MYO6: variants seen among roughly 807,000 people sequenced by gnomAD.
The protein encoded by MYO6 is unconventional myosin-VI.
MYO6 carries 74 observed loss-of-function variants against 178.7 expected under a neutral mutation model. The ratio of observed to expected loss-of-function variants is 0.41; its 90% CI spans 0.34 to 0.50. The LOEUF (loss-of-function observed/expected upper bound fraction) is 0.50, where lower values mean the gene tolerates loss of function less well. Among genes scored for constraint, MYO6 ranks in the 20% least tolerant of loss-of-function variants. MYO6 has a pLI of 0.09. For missense variants in MYO6, 1,330 were observed against 1,547.4 expected (o/e 0.86, Z 2.36); for synonymous variants, 477 against 504.6 (o/e 0.95, Z 0.73).
intron 33 of MYO6, among the ~76,000 whole-genome samples, chr6:75,911,900 A>G (rs187940963): frequency 1.0e-3 from 156 of 152,150 alleles, no homozygotes; most frequent in African/African-American, 3.3e-3. Context: ...ATGTATTACA[A>G]AAAATCTAGT....
intron 26 of MYO6, 81 bp downstream of exon 26, chr6:75,890,346 T>A: frequency 6.4e-7 from 1 of 1,557,546 alleles, no homozygotes; most frequent in South Asian, 1.2e-5. Flanking sequence ...ATGACAATTA[T>A]TTGTTTTGTT....
intron 3 of MYO6, among the ~76,000 whole-genome samples, chr6:75,824,105 C>T (rs1772186862): frequency 6.6e-6 from 1 of 152,168 alleles, no homozygotes; most frequent in Non-Finnish European, 1.5e-5. Context: ...AACTGGGAAT[C>T]AATCCTTTTC....
chr6:75,912,541 T>G (rs769081906), intron 33 of MYO6, among the ~76,000 whole-genome samples: 4 of 152,082 alleles, frequency 2.6e-5, no homozygotes, highest in Non-Finnish European at 5.9e-5. Context: ...TCTATTTAGT[T>G]TCTGAATTTT....
chr6:75,839,673 T>C (rs1046857398), intron 7 of MYO6, among the ~76,000 whole-genome samples: 1 of 152,146 alleles, frequency 6.6e-6, no homozygotes, highest in Admixed American at 6.5e-5. Flanking sequence ...AGTCATGATA[T>C]GTGTATAGGT....
intron 11 of MYO6, among the ~76,000 whole-genome samples, chr6:75,849,085 T>C (rs1474602068): frequency 6.6e-6 from 1 of 152,216 alleles, no homozygotes; most frequent in Non-Finnish European, 1.5e-5. Flanking sequence ...GGACTTTGCA[T>C]AATTCTAAAT....
chr6:75,810,488 G>C (rs539987666), intron 1 of MYO6, among the ~76,000 whole-genome samples: 1 of 152,134 alleles, frequency 6.6e-6, no homozygotes, highest in African/African-American at 2.4e-5. Flanking sequence ...TTATTTGTCA[G>C]TTGTGCCTAA....
chr6:75,863,554 C>T lies in MYO6; in HGVS notation c.1674+831C>T, dbSNP rs371453169. The stretch of plus-strand genomic sequence containing the variant: ...AGGCTGGAGTGCAATGGTGCGATCT[C>T]GGCTCACTGCAACCTCCGCATCTTG... On this transcript the variant is annotated intron_variant, in intron 16 of 34. Transcript: ENST00000369977. Among the ~76,000 whole-genome samples, 34 of 151,858 alleles carry T rather than the reference C, an allele frequency of 2.2e-4. No homozygotes were observed. In the East Asian group the frequency reaches 2.3e-3, roughly 10 times the overall value.
At chr6:75,897,265 T>G (rs957551105) in intron 29 of MYO6, among the ~76,000 whole-genome samples, 2 of 152,220 alleles carry the variant, frequency 1.3e-5, no homozygotes, top group Non-Finnish European at 2.9e-5. Flanking sequence ...TATCAAAATC[T>G]GCTGCATTTA....
intron 16 of MYO6, among the ~76,000 whole-genome samples, chr6:75,864,799 A>G (rs541702546): frequency 6.6e-6 from 1 of 152,356 alleles, no homozygotes; most frequent in African/African-American, 2.4e-5. Flanking sequence ...TTTGAAAATA[A>G]ATAAAATAAT....
chr6:75,847,195 G>A (rs530109653), intron 10 of MYO6, among the ~76,000 whole-genome samples: 1 of 152,210 alleles, frequency 6.6e-6, no homozygotes, highest in South Asian at 2.1e-4. Flanking sequence ...TTGGCTGCAT[G>A]TGATTGTTTC....
chr6:75,912,177 A>G (rs1427005358), intron 33 of MYO6, among the ~76,000 whole-genome samples: 1 of 152,004 alleles, frequency 6.6e-6, no homozygotes, highest in Non-Finnish European at 1.5e-5. Context: ...GGAAGAGGAG[A>G]TTATTCTGTT....
At chr6:75,797,994 C>T (rs1362340905) in intron 1 of MYO6, among the ~76,000 whole-genome samples, 1 of 152,164 alleles carries the variant, frequency 6.6e-6, no homozygotes, top group African/African-American at 2.4e-5. Context: ...AATTAGGTCC[C>T]ACTTGTCAGT....
chr6:75,904,565 A>G (rs1248895036), intron 30 of MYO6, among the ~76,000 whole-genome samples: 10 of 151,748 alleles, frequency 6.6e-5, no homozygotes, highest in Non-Finnish European at 1.5e-5. Flanking sequence ...TTGAGCCTTG[A>G]TTTTCAGCTC....
At chr6:75,864,882 G>T (rs2149305367) in intron 16 of MYO6, among the ~76,000 whole-genome samples, 1 of 152,298 alleles carries the variant, frequency 6.6e-6, no homozygotes, top group East Asian at 1.9e-4. Flanking sequence ...CCTGTTAGAT[G>T]TGTATGCTAC....
At chr6:75,833,025 C>T in intron 6 of MYO6, 78 bp downstream of exon 6, 1 of 1,000,776 alleles carries the variant, frequency 1.0e-6, no homozygotes, top group Non-Finnish European at 1.6e-6. Context: ...CTTACTGTGT[C>T]ACCCAGGGTG....
rs1229600764 is a variant in MYO6 at position 75,895,229 on chromosome 6, A to C, written c.3108-2A>C. 1 of 1,603,428 alleles carries C rather than the reference A, an allele frequency of 6.2e-7. No individual in the cohort carries two copies. The highest frequency in any genetic ancestry group is 1.3e-5 in the African/African-American group (1 of 74,702). On this transcript the variant is annotated splice_acceptor_variant, in intron 28 of 34. Coordinates refer to ENST00000369977, the MANE Select transcript of MYO6 (RefSeq NM_004999.4). LOFTEE classifies it high-confidence loss of function. ...ATTAACTAAAATATATTCTTTTCAC[A>C]GAAATGATGGAACAAGACCCAAAAT...
chr6:75,889,706 C>T (rs1778752595), intron 25 of MYO6, among the ~76,000 whole-genome samples: 1 of 152,180 alleles, frequency 6.6e-6, no homozygotes, highest in Non-Finnish European at 1.5e-5. Context: ...AGCCACTGCA[C>T]CCGGCCTAGA....
At position 75,890,063 on chromosome 6, in the gene MYO6, A is replaced by G. The variant is rs727505098; in HGVS notation, c.2665A>G (p.Met889Val). 41 of 1,611,422 alleles carry G rather than the reference A, an allele frequency of 2.5e-5. No individual in the cohort carries two copies. The African/African-American group carries it at 3.5e-4, about 14-fold the overall frequency. Reference sequence around the variant, plus strand: ...TTTATTTTATTTTTTAAAGTCCACTATGATGACGCAGGAACAAATCCAGAA... The same window carrying G: ...TTTATTTTATTTTTTAAAGTCCACTGTGATGACGCAGGAACAAATCCAGAA... The part of the protein sequence containing the change: ...DTLMAKIKST[M>V]MTQEQIQKEY... Residue 889 changes from methionine to valine, a missense_variant, in exon 26 of 35, where the codon ATG becomes GTG. By Grantham distance (21) the Met-to-Val change is conservative. Coordinates refer to ENST00000369977, the MANE Select transcript of MYO6 (RefSeq NM_004999.4).
intron 1 of MYO6, among the ~76,000 whole-genome samples, chr6:75,765,732 C>CA (rs1185146854): frequency 6.6e-5 from 10 of 150,898 alleles, no homozygotes; most frequent in East Asian, 3.9e-4. Context: ...GCAAGAACTT[C>CA]AAAAAAAAGA....
Sources: gnomAD v4.1 joint callset for allele counts (sites outside exome capture counted in the v4.1 genomes callset) on GRCh38, gnomAD v4.1.1 for gene constraint, MANE v1.5 for transcripts, NCBI Gene and HGNC (gene_info 2026-07-23, HGNC 2026-07-21) for gene names.